Variants in FAS observed in about 807,000 individuals in gnomAD.
FAS encodes the protein Fas cell surface death receptor.
FAS carries 5 observed loss-of-function variants against 33.2 expected under a neutral mutation model. That is an observed-to-expected ratio of 0.15 (90% CI 0.08 to 0.32). FAS has a LOEUF of 0.32. FAS is among the 10% of genes least tolerant of loss of function. The probability of loss-of-function intolerance (pLI) is 1.00; values close to 1 mark genes in which losing one functional copy is unlikely to be tolerated. For synonymous variants in FAS, 131 were observed against 130.7 expected (o/e 1.00, Z -0.01); for missense variants, 339 against 386.0 (o/e 0.88, Z 1.02).
At chr10:88,965,746 G>A (rs1700273850) in intron 1 of FAS, among the ~76,000 whole-genome samples, 1 of 152,186 alleles carries the variant, frequency 6.6e-6, no homozygotes, top group South Asian at 2.1e-4. Flanking sequence ...GCTGAGCAAA[G>A]AGCCCCTTAC....
In FAS at chr10:89,015,764, T is replaced by C; in HGVS notation, c.*1314T>C. The C allele has an allele frequency of 2.0e-6, 1 of 488,348 alleles. No homozygotes were observed. Among genetic ancestry groups the C allele is most frequent in the Non-Finnish European group, 3.9e-6 (1 of 255,030 alleles). The allele number at this position is 488,348 out of a possible 1,614,324, so 30.3% of individuals were successfully genotyped here. On this transcript the variant is annotated 3_prime_UTR_variant, in exon 9 of 9. Coordinates refer to ENST00000652046, the MANE Select transcript of FAS (RefSeq NM_000043.6). ...ATTATAAAATATAGGTAAAAGTACG[T>C]AATTAAATAATGTTTTTGGTATTTC...
intron 1 of FAS, among the ~76,000 whole-genome samples, chr10:88,994,889 A>G (rs1434109907): frequency 1.3e-5 from 2 of 151,052 alleles, no homozygotes; most frequent in Non-Finnish European, 2.9e-5. Context: ...GTACTGGGAT[A>G]CATATATATA....
In FAS at chr10:89,008,938, A is replaced by C; in HGVS notation, c.384A>C (p.Arg128Ser). 1 of 1,614,084 alleles carries C rather than the reference A, an allele frequency of 6.2e-7. No individual in the cohort carries two copies. Among genetic ancestry groups the C allele is most frequent in the Non-Finnish European group, 8.5e-7 (1 of 1,179,920 alleles). Residue 128 changes from arginine to serine, a missense_variant, in exon 4 of 9, where the codon AGA becomes AGC. By Grantham distance (110) the Arg-to-Ser change is moderately radical (BLOSUM62 -1). Transcript: ENST00000652046. ...CCCGGACCCAGAATACCAAGTGCAG[A>C]TGTAAACCAAACTTTTTTTGTAACT... The part of the protein sequence containing the change: ...NCTRTQNTKC[R>S]CKPNFFCNST...
chr10:88,964,402 G>A (rs1244641040), intron 1 of FAS, among the ~76,000 whole-genome samples: 5 of 152,164 alleles, frequency 3.3e-5, no homozygotes. Flanking sequence ...ACAAGACAAG[G>A]GGAAAGGATC....
At chr10:88,964,314 G>A (rs759309638) in intron 1 of FAS, among the ~76,000 whole-genome samples, 1 of 152,186 alleles carries the variant, frequency 6.6e-6, no homozygotes, top group Non-Finnish European at 1.5e-5. Flanking sequence ...CAGGGAATGA[G>A]CAATTCTCAA....
At chr10:88,980,645 G>A (rs1020658972) in intron 2 of FAS, among the ~76,000 whole-genome samples, 2 of 152,194 alleles carry the variant, frequency 1.3e-5, no homozygotes, top group African/African-American at 4.8e-5. Context: ...AAGGAAAATT[G>A]TTGGGATCTT....
At position 89,014,752 on chromosome 10, in the gene FAS, C is replaced by T; in HGVS notation, c.*302C>T. On this transcript the variant is annotated 3_prime_UTR_variant, in exon 9 of 9. Coordinates refer to ENST00000652046, the MANE Select transcript of FAS (RefSeq NM_000043.6). Reference sequence around the variant, plus strand: ...ATGCTCTGGCATCTAACATATGATTCTGTAGTATGAATGTAATCAGTGTAT... The same window carrying T: ...ATGCTCTGGCATCTAACATATGATTTTGTAGTATGAATGTAATCAGTGTAT... 1.7e-6 allele frequency: 1 copy of T among 581,384 alleles called. No homozygotes were observed. Among genetic ancestry groups the T allele is most frequent in the Non-Finnish European group, 3.2e-6 (1 of 308,810 alleles). The allele number at this position is 581,384 out of a possible 1,614,324, so 36.0% of individuals were successfully genotyped here. A position where few individuals can be genotyped will look rare whatever the true frequency, so the allele number is the denominator to read the frequency against.
chr10:88,964,561 C>T (rs903039776), intron 1 of FAS, among the ~76,000 whole-genome samples: 9 of 152,186 alleles, frequency 5.9e-5, no homozygotes, highest in African/African-American at 2.2e-4. Context: ...GGTGATCAAC[C>T]TTTGTCCTTC....
chr10:88,995,684 T>C (rs966901117), intron 1 of FAS, among the ~76,000 whole-genome samples: 2 of 152,136 alleles, frequency 1.3e-5, no homozygotes, highest in South Asian at 2.1e-4. Flanking sequence ...ACAAATTAGC[T>C]GGGTGTGGTG....
rs139021050 is a variant in FAS at position 88,991,868 on chromosome 10, T to C, written c.30+962T>C. Among the ~76,000 whole-genome samples, 210 of 152,308 alleles carry C rather than the reference T, an allele frequency of 1.4e-3. 1 individual carries two copies. The highest frequency in any genetic ancestry group is 4.9e-3 in the African/African-American group (202 of 41,574). Reference sequence around the variant, plus strand: ...TTGCAGATGGCTAATCAAAGAGACGTGGATCCAGGAGGCTCATTTGAGTAC... The same window carrying C: ...TTGCAGATGGCTAATCAAAGAGACGCGGATCCAGGAGGCTCATTTGAGTAC... On this transcript the variant is annotated intron_variant, in intron 1 of 8. Coordinates refer to ENST00000652046, the MANE Select transcript of FAS (RefSeq NM_000043.6).
chr10:88,988,168 C>A (rs1444546455), upstream of FAS, among the ~76,000 whole-genome samples: 1 of 152,076 alleles, frequency 6.6e-6, no homozygotes, highest in Non-Finnish European at 1.5e-5. Context: ...ACTAAAAGAA[C>A]CACTCACATC....
chr10:88,974,902 G>C (rs1846528757), intron 2 of FAS: 1 of 152,164 alleles, frequency 6.6e-6, no homozygotes. Flanking sequence ...CTAGATCACT[G>C]TAATACTGTA....
At chr10:88,986,356 T>A (rs933316411), upstream of FAS, among the ~76,000 whole-genome samples, 3 of 152,180 alleles carry the variant, frequency 2.0e-5, no homozygotes, top group African/African-American at 7.2e-5. Flanking sequence ...GGGTACTCAA[T>A]TGGATTAAGA....
intron 7 of FAS, chr10:89,012,289 T>TGCCTC: frequency 3.9e-6 from 2 of 513,864 alleles, no homozygotes; most frequent in East Asian, 7.2e-5. Context: ...GTGATCCTCC[T>TGCCTC]GCCTCAACTG....
intron 2 of FAS, among the ~76,000 whole-genome samples, chr10:89,006,924 ATTGT>A (rs967061635): frequency 2.1e-4 from 32 of 152,356 alleles, no homozygotes; most frequent in African/African-American, 7.7e-4. Context: ...ATTATTTAAA[ATTGT>A]TTGTTTTTAA....
rs376591116 is a variant in FAS, at chr10:88,990,956, G to T, written c.30+50G>T. On this transcript the variant is annotated intron_variant, in intron 1 of 8. Coordinates refer to ENST00000652046, the MANE Select transcript of FAS (RefSeq NM_000043.6). This position sits in a 1 kb window ranked among gnomAD's most constrained non-coding sequence, Gnocchi z 4.9. ...AGGCTTACCCCGTCTTAGTCCCGGG[G>T]ATAGGCAAAGTGGGGCGGGCGCGGG... The T allele has an allele frequency of 8.1e-6, 13 of 1,613,484 alleles. No homozygotes were observed. The highest frequency in any genetic ancestry group is 1.7e-5 in the Admixed American group (1 of 60,008).
chr10:88,973,007 A>C (rs1052057518), intron 1 of FAS, among the ~76,000 whole-genome samples: 1 of 152,246 alleles, frequency 6.6e-6, no homozygotes, highest in African/African-American at 2.4e-5. Flanking sequence ...AGAATACTAA[A>C]GCAAAATTGA....
intron 1 of FAS, among the ~76,000 whole-genome samples, chr10:88,971,877 C>G (rs1351531294): frequency 1.3e-5 from 2 of 151,054 alleles, no homozygotes; most frequent in African/African-American, 4.9e-5. Context: ...TTTATAGTTT[C>G]TGAAGCGCTA....
chr10:88,989,609 G>C (rs372327042), upstream of FAS: 2 of 535,586 alleles, frequency 3.7e-6, no homozygotes, highest in African/African-American at 3.8e-5. Context: ...CAAAACACAG[G>C]GTGATGGAAA....
Sources: gnomAD v4.1 joint callset for allele counts (sites outside exome capture counted in the v4.1 genomes callset) on GRCh38, gnomAD v4.1.1 for gene constraint, Gnocchi (gnomAD v3.1) non-coding constraint, MANE v1.5 for transcripts, NCBI Gene and HGNC (gene_info 2026-07-23, HGNC 2026-07-21) for gene names.